Variants in SHROOM2 observed in about 807,000 individuals in gnomAD.
The protein encoded by SHROOM2 is protein Shroom2.
SHROOM2 carries 33 observed loss-of-function variants against 75.9 expected under a neutral mutation model. The ratio of observed to expected loss-of-function variants is 0.43; its 90% CI spans 0.33 to 0.58. The LOEUF is 0.58. Among genes scored for constraint, SHROOM2 ranks in the 20% least tolerant of loss-of-function variants. The probability of loss-of-function intolerance (pLI) is 0.04; values close to 1 mark genes in which losing one functional copy is unlikely to be tolerated. For synonymous variants in SHROOM2, 655 were observed against 663.6 expected (o/e 0.99, Z 0.20); for missense variants, 1,434 against 1,461.2 (o/e 0.98, Z 0.30).
At chrX:9,872,525 C>G (rs775689907) in intron 1 of SHROOM2, among the ~76,000 whole-genome samples, 8 of 111,451 alleles carry the variant, frequency 7.2e-5, no homozygotes, top group Non-Finnish European at 1.1e-4. Context: ...GATCGCACCA[C>G]TGCACTGCAG....
rs763766835 is a variant in SHROOM2 at position 9,944,731 on chromosome X, C to G, written c.4402C>G (p.Leu1468Val). ...GGAGGACGTGCAGGCCAACACCGTGCTGGGGGCCGAGGTGGAGGCCATCGT... is the reference window on the plus strand; with the variant it reads ...GGAGGACGTGCAGGCCAACACCGTGGTGGGGGCCGAGGTGGAGGCCATCGT... The part of the protein sequence containing the change: ...LLEDVQANTV[L>V]GAEVEAIVKG... The change falls in exon 9 of 10, where the codon CTG becomes GTG. Residue 1468 changes from leucine to valine, a missense_variant. Leu to Val is a conservative substitution (Grantham distance 32). Around this residue, in one of 3 missense-constraint regions of SHROOM2, gnomAD observed 1,340 missense variants for 1,338.3 expected, o/e 1.00. Transcript: ENST00000380913. The G allele has an allele frequency of 8.3e-7, 1 of 1,211,933 alleles. No homozygotes were observed. The highest frequency in any genetic ancestry group is 1.1e-6 in the Non-Finnish European group (1 of 895,424).
chrX:9,891,881 G>A (rs1184468691), intron 3 of SHROOM2, among the ~76,000 whole-genome samples: 3 of 109,862 alleles, frequency 2.7e-5, no homozygotes, highest in South Asian at 3.9e-4. Flanking sequence ...GTGTGTGTGT[G>A]TGTGTGTGTG....
At chrX:9,851,448 TTTTTTTTTTTC>T (rs1167607997) in intron 1 of SHROOM2, among the ~76,000 whole-genome samples, 1 of 76,414 alleles carries the variant, frequency 1.3e-5, no homozygotes. Flanking sequence ...GGATATTGCT[TTTTTTTTTTTC>T]TTTTTTTTTT....
chrX:9,833,066 C>G (rs571634245), intron 1 of SHROOM2, among the ~76,000 whole-genome samples: 17 of 110,724 alleles, frequency 1.5e-4, no homozygotes, highest in Non-Finnish European at 3.2e-4. Context: ...TGTCTTCTCG[C>G]GTCCTTGTGG....
chrX:9,866,940 C>T (rs751088827), intron 1 of SHROOM2, among the ~76,000 whole-genome samples: 9 of 110,244 alleles, frequency 8.2e-5, no homozygotes, highest in Non-Finnish European at 1.5e-4. Flanking sequence ...TTCTAGTTGC[C>T]GTTTCTATTT....
At chrX:9,792,725 AT>A (rs768964673) in intron 1 of SHROOM2, among the ~76,000 whole-genome samples, 2,193 of 101,422 alleles carry the variant, frequency 0.022, 52 homozygotes, top group African/African-American at 0.064. Flanking sequence ...ATGATAGCGT[AT>A]TTTTTTTTTT....
Position 9,937,416 on chromosome X carries a change from C to T in SHROOM2, c.3870C>T (p.Pro1290=), listed in dbSNP as rs767274192. The change falls in exon 7 of 10, where the codon CCC becomes CCT. Residue 1290 remains proline, a synonymous_variant. Transcript: ENST00000380913. The part of the protein sequence containing the change: ...EPQPLGTQVP[P]EKDRCTSPPG... ...AGCCCCTGGGCACCCAGGTGCCCCC[C>T]GAGAAAGACCGCTGCACCTCCCCTC... 17 of 1,208,083 alleles carry T rather than the reference C, an allele frequency of 1.4e-5. No individual in the cohort carries two copies. Among genetic ancestry groups the T allele is most frequent in the South Asian group, 3.6e-5 (2 of 56,333 alleles).
At position 9,823,181 on chromosome X, in the gene SHROOM2, TCTC is replaced by T. The variant is rs1218476444; in HGVS notation, c.165+36486_165+36488del. The stretch of plus-strand genomic sequence containing the variant: ...CTTCTTCTTTTCTTCTTCTTCTTCT[TCTC>T]CTCCTCCTCCTCCTTCTCCTCTTCC... On this transcript the variant is annotated intron_variant, in intron 1 of 9. Transcript: ENST00000380913. Among the ~76,000 whole-genome samples, 15 of 59,679 alleles carry T rather than the reference TCTC, an allele frequency of 2.5e-4. 1 individual carries two copies. Among genetic ancestry groups the T allele is most frequent in the East Asian group, 2.4e-3 (3 of 1,270 alleles). The allele number at this position is 59,679 out of a possible 115,157, so 51.8% of individuals were successfully genotyped here. A position where few individuals can be genotyped will look rare whatever the true frequency, so the allele number is the denominator to read the frequency against.
intron 4 of SHROOM2, 64 bp from the exon 5 acceptor site, chrX:9,898,126 A>G: frequency 1.1e-6 from 1 of 951,319 alleles, no homozygotes; most frequent in Non-Finnish European, 1.5e-6. Context: ...GGGCTTTCAT[A>G]ATCACAGATG....
At chrX:9,854,932 C>A (rs1437443326) in intron 1 of SHROOM2, among the ~76,000 whole-genome samples, 6 of 110,653 alleles carry the variant, frequency 5.4e-5, no homozygotes, top group African/African-American at 2.0e-4. Flanking sequence ...CAAAGAATGC[C>A]ACGGGTGAGT....
At chrX:9,824,381 T>C (rs1044379768) in intron 1 of SHROOM2, among the ~76,000 whole-genome samples, 6 of 111,096 alleles carry the variant, frequency 5.4e-5, no homozygotes, top group African/African-American at 1.6e-4. Context: ...GAGGTTGCAG[T>C]GAGCGGAGAT....
At chrX:9,927,634 A>C (rs1466934781) in intron 5 of SHROOM2, among the ~76,000 whole-genome samples, 1 of 112,103 alleles carries the variant, frequency 8.9e-6, no homozygotes, top group Non-Finnish European at 1.9e-5. Flanking sequence ...AATTCCGCAC[A>C]AAAAAAGTGA....
intron 1 of SHROOM2, among the ~76,000 whole-genome samples, chrX:9,807,960 C>A (rs2083764727): frequency 8.9e-6 from 1 of 111,765 alleles, no homozygotes; most frequent in East Asian, 2.8e-4. Flanking sequence ...TGTGACCATC[C>A]TGGGTGCCAG....
At chrX:9,889,644 G>A (rs1373506430) in intron 2 of SHROOM2, among the ~76,000 whole-genome samples, 2 of 112,305 alleles carry the variant, frequency 1.8e-5, no homozygotes, top group Non-Finnish European at 3.8e-5. Flanking sequence ...ACATGGGATG[G>A]TGGGGACTGT....
chrX:9,806,567 CTT>C (rs748143721), intron 1 of SHROOM2, among the ~76,000 whole-genome samples: 1 of 83,938 alleles, frequency 1.2e-5, no homozygotes, highest in Non-Finnish European at 2.3e-5. Flanking sequence ...AACTTTAATC[CTT>C]TTTTTTTTTT....
chrX:9,818,443 T>C (rs1324645327), intron 1 of SHROOM2: 1 of 245,946 alleles, frequency 4.1e-6, no homozygotes, highest in Non-Finnish European at 8.0e-6. Flanking sequence ...GACATGTTTC[T>C]TAAAGGCCTT....
chrX:9,936,215 G>A (rs986116014), intron 6 of SHROOM2, among the ~76,000 whole-genome samples: 5 of 110,240 alleles, frequency 4.5e-5, no homozygotes, highest in Admixed American at 3.9e-4. Context: ...AGGTTCAAGC[G>A]ATTCTCATGC....
intron 1 of SHROOM2, among the ~76,000 whole-genome samples, chrX:9,838,855 C>T (rs2083963810): frequency 9.0e-6 from 1 of 111,375 alleles, no homozygotes; most frequent in Non-Finnish European, 1.9e-5. Flanking sequence ...CACATACTGC[C>T]GGATTCCACG....
Position 9,874,221 on chromosome X carries a change from T to G in SHROOM2, c.317+418T>G, listed in dbSNP as rs143751775. On this transcript the variant is annotated intron_variant, in intron 2 of 9. Coordinates refer to ENST00000380913, the MANE Select transcript of SHROOM2 (RefSeq NM_001649.4). ...GCCAGCCACCAAGGGTTTAGAGCAC[T>G]GTGCTGAGGTCTGGAGGGAGGGTCT... is the stretch of plus-strand genomic sequence containing the variant. Among the ~76,000 whole-genome samples the G allele has an allele frequency of 9.5e-3, 1,067 of 111,798 alleles. 14 individuals carry two copies. Among genetic ancestry groups the G allele is most frequent in the African/African-American group, 0.033 (1,026 of 30,709 alleles).
Sources: allele counts gnomAD v4.1 joint callset (sites outside exome capture counted in the v4.1 genomes callset), GRCh38; gene constraint gnomAD v4.1.1; regional missense constraint gnomAD v4.1.1; transcripts MANE v1.5; gene names NCBI Gene and HGNC (gene_info 2026-07-23, HGNC 2026-07-21).